PRPSAP2: variants seen among roughly 807,000 people sequenced by gnomAD.
The protein encoded by PRPSAP2 is phosphoribosyl pyrophosphate synthetase associated protein 2.
In PRPSAP2, 24 loss-of-function variants were observed where a neutral mutation model predicts 40.6. The observed-to-expected ratio is 0.59, with a 90% CI of 0.43 to 0.83. The LOEUF (loss-of-function observed/expected upper bound fraction) is 0.83. Among genes scored for constraint, PRPSAP2 ranks in the 40% least tolerant of loss-of-function variants. The pLI is 0.00. For synonymous variants in PRPSAP2, 149 were observed against 164.7 expected (o/e 0.90, Z 0.73); for missense variants, 292 against 465.6 (o/e 0.63, Z 3.43).
At chr17:18,913,577 C>T (rs569785706) in intron 9 of PRPSAP2, among the ~76,000 whole-genome samples, 15 of 111,236 alleles carry the variant, frequency 1.3e-4, no homozygotes, top group African/African-American at 5.3e-4. Flanking sequence ...GAGACAAGGT[C>T]TCACTCTGTC....
intron 6 of PRPSAP2, among the ~76,000 whole-genome samples, chr17:18,879,420 G>A (rs1015966914): frequency 1.3e-5 from 2 of 152,050 alleles, no homozygotes; most frequent in African/African-American, 4.8e-5. Flanking sequence ...GAGTAGCTGG[G>A]ATTGCAGGCA....
chr17:18,914,756 A>T (rs2041201923), intron 9 of PRPSAP2, among the ~76,000 whole-genome samples: 1 of 142,256 alleles, frequency 7.0e-6, no homozygotes, highest in Non-Finnish European at 1.5e-5. Context: ...ATGGAGTCTC[A>T]CTCTGTCACC....
At chr17:18,875,731 C>T (rs560210963) in intron 5 of PRPSAP2, among the ~76,000 whole-genome samples, 22 of 151,264 alleles carry the variant, frequency 1.5e-4, no homozygotes, top group South Asian at 6.3e-4. Context: ...ATATGCGCTT[C>T]TAATTCCAGC....
chr17:18,871,589 A>G (rs1477375545), intron 4 of PRPSAP2, among the ~76,000 whole-genome samples: 1 of 151,980 alleles, frequency 6.6e-6, no homozygotes, highest in African/African-American at 2.4e-5. Flanking sequence ...CACAACATAC[A>G]ATGTTTTGTA....
intron 5 of PRPSAP2, among the ~76,000 whole-genome samples, chr17:18,876,286 G>C (rs2038294421): frequency 6.6e-6 from 1 of 152,178 alleles, no homozygotes. Context: ...TTTCAAACAA[G>C]ACTGTCCTTA....
Position 18,877,701 on chromosome 17 carries a change from C to A in PRPSAP2, c.243C>A (p.Asp81Glu). The change falls in exon 6 of 12, where the codon GAC becomes GAA. Residue 81 changes from aspartate to glutamate, a missense_variant. By Grantham distance (45) the Asp-to-Glu change is conservative (BLOSUM62 2). Around this residue, in one of 2 missense-constraint regions of PRPSAP2, gnomAD observed 241 missense variants for 425.7 expected, o/e 0.57. Transcript: ENST00000268835. ...DVFIIQTVSK[D>E]VNTTIMELLI... is the part of the protein sequence containing the mutation. ...ATTTGCTGTGTCTTTGTTACAGGGA[C>A]GTGAACACCACCATCATGGAGCTCC... 1.2e-6 allele frequency: 2 copies of A among 1,604,356 alleles called. No homozygotes were observed.
intron 5 of PRPSAP2, among the ~76,000 whole-genome samples, chr17:18,875,643 C>T (rs1202347188): frequency 6.6e-6 from 1 of 151,826 alleles, no homozygotes; most frequent in African/African-American, 2.4e-5. Flanking sequence ...GCGGGCAGAT[C>T]AGGAGTTCAA....
At position 18,929,089 on chromosome 17, in the gene PRPSAP2, G is replaced by A. The variant is rs565769958; in HGVS notation, c.951+132G>A. The A allele has an allele frequency of 4.8e-4, 634 of 1,326,740 alleles. 9 individuals carry two copies. The South Asian group carries it at 7.1e-3, about 15-fold the overall frequency. 82.2% of individuals were successfully genotyped at this position (1,326,740 alleles called of 1,614,324 possible). On this transcript the variant is annotated intron_variant, in intron 11 of 11. Transcript: ENST00000268835. ...AACGATTCAAGGGCTGGGTGCAGTG[G>A]TTCACGCCTGTAATCCCAGCACTTT...
chr17:18,869,844 G>T (rs11656424), intron 4 of PRPSAP2, among the ~76,000 whole-genome samples: 17,745 of 137,396 alleles, frequency 0.13, 1,434 homozygotes, highest in East Asian at 0.41. Flanking sequence ...CTTTTTTTTT[G>T]TGTGTGTGTG....
chr17:18,912,938 C>T (rs1232670590), intron 9 of PRPSAP2, among the ~76,000 whole-genome samples: 1 of 152,210 alleles, frequency 6.6e-6, no homozygotes, highest in Non-Finnish European at 1.5e-5. Flanking sequence ...TAAGTTGACT[C>T]AAAGCCCCGC....
chr17:18,880,170 C>T (rs1364899959), intron 6 of PRPSAP2, among the ~76,000 whole-genome samples: 1 of 152,188 alleles, frequency 6.6e-6, no homozygotes, highest in African/African-American at 2.4e-5. Flanking sequence ...AACACTATGA[C>T]AGGCAGCTGG....
intron 9 of PRPSAP2, among the ~76,000 whole-genome samples, chr17:18,914,301 A>AGGCT (rs2041166534): frequency 9.5e-6 from 1 of 105,236 alleles, no homozygotes; most frequent in African/African-American, 3.9e-5. Context: ...TCTGTCTTCC[A>AGGCT]GGCTGGAGTA....
chr17:18,880,497 C>A (rs1414303871), intron 6 of PRPSAP2, among the ~76,000 whole-genome samples: 1 of 152,042 alleles, frequency 6.6e-6, no homozygotes, highest in Non-Finnish European at 1.5e-5. Flanking sequence ...GCCTTGACCT[C>A]CTGGGTTCAA....
At chr17:18,894,719 G>A (rs184582693) in intron 8 of PRPSAP2, among the ~76,000 whole-genome samples, 13 of 151,994 alleles carry the variant, frequency 8.6e-5, no homozygotes, top group South Asian at 6.3e-4. Flanking sequence ...TCCTGACCTC[G>A]TGATCCACCC....
intron 9 of PRPSAP2, among the ~76,000 whole-genome samples, chr17:18,914,862 C>G (rs1021439099): frequency 9.9e-5 from 15 of 151,766 alleles, no homozygotes; most frequent in African/African-American, 3.4e-4. Flanking sequence ...GTAGCTAGCA[C>G]TACAGGTGCA....
chr17:18,899,672 G>A (rs955494708), intron 8 of PRPSAP2, among the ~76,000 whole-genome samples: 1 of 151,168 alleles, frequency 6.6e-6, no homozygotes, highest in Non-Finnish European at 1.5e-5. Context: ...GGGACTACAG[G>A]TGCATGCCAC....
intron 9 of PRPSAP2, chr17:18,917,335 A>G (rs1347583974): frequency 6.6e-6 from 1 of 151,462 alleles, no homozygotes; most frequent in East Asian, 1.9e-4. Flanking sequence ...TGGGGCTTAT[A>G]TAGCATCTTA....
chr17:18,862,773 C>G (rs943473547), intron 1 of PRPSAP2, among the ~76,000 whole-genome samples: 2 of 151,952 alleles, frequency 1.3e-5, no homozygotes, highest in Admixed American at 6.6e-5. Context: ...TATTTATTTT[C>G]CTGGACCTGT....
At chr17:18,920,265 T>C (rs9893376) in intron 9 of PRPSAP2, among the ~76,000 whole-genome samples, 27,296 of 152,106 alleles carry the variant, frequency 0.18, 2,688 homozygotes, top group African/African-American at 0.24. Context: ...ACTTGCTGGG[T>C]GTTAGCTTTT....
Sources: allele counts gnomAD v4.1 joint callset (sites outside exome capture counted in the v4.1 genomes callset), GRCh38; gene constraint gnomAD v4.1.1; regional missense constraint gnomAD v4.1.1; transcripts MANE v1.5; gene names NCBI Gene and HGNC (gene_info 2026-07-23, HGNC 2026-07-21).